The following HECW1 variants were observed in gnomAD, a reference collection of about 807,000 sequenced individuals.
HECW1 encodes HECT, C2 and WW domain containing E3 ubiquitin protein ligase 1, also known as E3 ubiquitin-protein ligase HECW1.
In HECW1, 61 loss-of-function variants were observed where a neutral mutation model predicts 182.3. The observed-to-expected ratio is 0.33, with a 90% CI of 0.27 to 0.41. The LOEUF is 0.41. Ranked by LOEUF, HECW1 falls within the 10% of genes least tolerant of loss-of-function variation. The pLI, the probability that HECW1 is intolerant of heterozygous loss-of-function variation, is 1.00. For missense variants in HECW1, 1,739 were observed against 2,108.9 expected, an observed-to-expected ratio of 0.82 and a Z score of 3.44; for synonymous variants, 859 against 832.6, an observed-to-expected ratio of 1.03 and a Z score of -0.55.
At position 43,341,005 on chromosome 7, in the gene HECW1, T is replaced by C. The variant is rs370635970; in HGVS notation, c.461-19881T>C. ...TAAAAAAGGATGAGTTCATGTCCTT[T>C]GCAGGGACTTGGATGAAGCTGGAAA... is the stretch of plus-strand genomic sequence containing the variant. On this transcript the variant is annotated intron_variant, in intron 5 of 29. Transcript: ENST00000395891. 1.3e-4 allele frequency among the ~76,000 whole-genome samples: 20 copies of C among 151,812 alleles called. No individual in the cohort carries two copies. The East Asian group carries it at 2.1e-3, about 16-fold the overall frequency.
chr7:43,474,557 AAAT>A (rs2078149839), intron 16 of HECW1, among the ~76,000 whole-genome samples: 1 of 152,222 alleles, frequency 6.6e-6, no homozygotes, highest in South Asian at 2.1e-4. Context: ...CTTATGAGCC[AAAT>A]AATAACATTA....
chr7:43,558,611 A>G (rs1038424989), intron 29 of HECW1, among the ~76,000 whole-genome samples: 1 of 152,144 alleles, frequency 6.6e-6, no homozygotes, highest in Non-Finnish European at 1.5e-5. Flanking sequence ...ACATCTCACA[A>G]TGCACAAAAC....
intron 2 of HECW1, among the ~76,000 whole-genome samples, chr7:43,232,595 G>A (rs1797982494): frequency 1.3e-5 from 2 of 152,190 alleles, no homozygotes; most frequent in Non-Finnish European, 2.9e-5. Context: ...TGAAGGCATA[G>A]CCCAATCTAG....
chr7:43,520,111 T>A (rs1464498970), intron 24 of HECW1, among the ~76,000 whole-genome samples: 1 of 152,228 alleles, frequency 6.6e-6, no homozygotes, highest in Non-Finnish European at 1.5e-5. Context: ...GTCTTAGATA[T>A]GCATTCATCA....
intron 2 of HECW1, among the ~76,000 whole-genome samples, chr7:43,184,980 G>A (rs1458712461): frequency 6.6e-6 from 1 of 152,230 alleles, no homozygotes; most frequent in East Asian, 1.9e-4. Context: ...GGAGCATGGT[G>A]TTGAACCATT....
chr7:43,226,752 A>C (rs970483089), intron 2 of HECW1, among the ~76,000 whole-genome samples: 7 of 152,306 alleles, frequency 4.6e-5, no homozygotes, highest in African/African-American at 1.7e-4. Context: ...AGAAGCCCCC[A>C]GGCAGCAACA....
intron 5 of HECW1, among the ~76,000 whole-genome samples, chr7:43,358,818 CTTTTTTT>C (rs572118397): frequency 1.1e-5 from 1 of 93,454 alleles, no homozygotes; most frequent in African/African-American, 4.1e-5. Flanking sequence ...AAAATATATT[CTTTTTTT>C]TTTTTTTTTT....
At chr7:43,206,458 T>C (rs1363961358) in intron 2 of HECW1, among the ~76,000 whole-genome samples, 1 of 152,202 alleles carries the variant, frequency 6.6e-6, no homozygotes, top group Non-Finnish European at 1.5e-5. Flanking sequence ...CATATTTTGT[T>C]TTATAGCTTT....
chr7:43,137,840 G>A (rs1445211122), intron 2 of HECW1, among the ~76,000 whole-genome samples: 1 of 152,140 alleles, frequency 6.6e-6, no homozygotes. Context: ...ATGAGCCACC[G>A]TGCCCAGCCA....
intron 8 of HECW1, among the ~76,000 whole-genome samples, chr7:43,412,739 T>A (rs1443054209): frequency 1.3e-5 from 2 of 151,712 alleles, no homozygotes; most frequent in Non-Finnish European, 2.9e-5. Flanking sequence ...TTACTGAGAA[T>A]GATGATTTCC....
chr7:43,431,701 T>A (rs1015778095), intron 8 of HECW1, among the ~76,000 whole-genome samples: 1 of 152,182 alleles, frequency 6.6e-6, no homozygotes. Flanking sequence ...GTTCATGATC[T>A]GGATTCTGCA....
At chr7:43,336,154 C>CTCTCTT (rs1812234030) in intron 5 of HECW1, among the ~76,000 whole-genome samples, 4 of 68,814 alleles carry the variant, frequency 5.8e-5, no homozygotes, top group African/African-American at 1.9e-4. Flanking sequence ...TTCTCTCTCT[C>CTCTCTT]TCTCTCTCTC....
At chr7:43,439,890 T>C (rs958348254) in intron 9 of HECW1, 1 of 152,230 alleles carries the variant, frequency 6.6e-6, no homozygotes, top group Non-Finnish European at 1.5e-5. Flanking sequence ...ACAGATCGAG[T>C]GTGATTGAGC....
Position 43,374,601 on chromosome 7 carries a change from C to T in HECW1, c.555+13621C>T, listed in dbSNP as rs1285897825. Among the ~76,000 whole-genome samples the T allele has an allele frequency of 1.5e-4, 8 of 54,334 alleles. 3 individuals are homozygous for T. The highest frequency in any genetic ancestry group is 8.6e-4 in the African/African-American group (5 of 5,826). The allele number at this position is 54,334 out of a possible 152,430, so 35.6% of individuals were successfully genotyped here. A position where few individuals can be genotyped will look rare whatever the true frequency, so the allele number is the denominator to read the frequency against. On this transcript the variant is annotated intron_variant, in intron 6 of 29. Coordinates refer to ENST00000395891, the MANE Select transcript of HECW1 (RefSeq NM_015052.5). ...CATCCCGGCTAAAACGGTGAAACCCCGTCTCTACTAAAAATACAAAAAATT... is the reference window on the plus strand; with the variant it reads ...CATCCCGGCTAAAACGGTGAAACCCTGTCTCTACTAAAAATACAAAAAATT...
At chr7:43,156,484 T>C (rs1789898715) in intron 2 of HECW1, among the ~76,000 whole-genome samples, 1 of 152,230 alleles carries the variant, frequency 6.6e-6, no homozygotes, top group Non-Finnish European at 1.5e-5. Context: ...CATAATGAAA[T>C]AAAATTAATA....
intron 8 of HECW1, among the ~76,000 whole-genome samples, chr7:43,416,282 C>A (rs1201041890): frequency 6.6e-6 from 1 of 150,852 alleles, no homozygotes; most frequent in Non-Finnish European, 1.5e-5. Context: ...GTTGGAGTAC[C>A]CTGCTGTGTG....
intron 3 of HECW1, among the ~76,000 whole-genome samples, chr7:43,266,988 C>T (rs984721521): frequency 2.6e-5 from 4 of 152,136 alleles, no homozygotes; most frequent in Non-Finnish European, 4.4e-5. Flanking sequence ...TGATCCTCTA[C>T]ACTCCTAATA....
intron 3 of HECW1, among the ~76,000 whole-genome samples, chr7:43,247,088 C>A (rs1799445136): frequency 6.6e-6 from 1 of 152,226 alleles, no homozygotes; most frequent in African/African-American, 2.4e-5. Context: ...AGCACAGCTC[C>A]ATGTCTGCTA....
At chr7:43,126,992 G>A (rs2152613806) in intron 2 of HECW1, among the ~76,000 whole-genome samples, 1 of 152,162 alleles carries the variant, frequency 6.6e-6, no homozygotes, top group South Asian at 2.1e-4. Context: ...TGGAAATTAG[G>A]CCAATAAATA....
Sources: gnomAD v4.1 joint callset for allele counts (sites outside exome capture counted in the v4.1 genomes callset) on GRCh38, gnomAD v4.1.1 for gene constraint, MANE v1.5 for transcripts, NCBI Gene and HGNC (gene_info 2026-07-23, HGNC 2026-07-21) for gene names.